Variants in SMOC2 observed in about 807,000 individuals in gnomAD.
The protein encoded by SMOC2 is SPARC related modular calcium binding 2, also known as SPARC-related modular calcium-binding protein 2.
A neutral mutation model predicts 61.4 loss-of-function variants in SMOC2; 39 were observed. The observed-to-expected ratio is 0.64, with a 90% confidence interval of 0.49 to 0.83. The LOEUF (loss-of-function observed/expected upper bound fraction) is 0.83. Ranked by LOEUF, SMOC2 falls within the 40% of genes least tolerant of loss-of-function variation. The pLI, the probability that SMOC2 is intolerant of heterozygous loss-of-function variation, is 0.00. For synonymous variants in SMOC2, 247 were observed against 239.9 expected (o/e 1.03, Z -0.27); for missense variants, 556 against 592.9 (o/e 0.94, Z 0.65).
At chr6:168,540,727 T>C (rs1247661558) in intron 4 of SMOC2, among the ~76,000 whole-genome samples, 1 of 152,192 alleles carries the variant, frequency 6.6e-6, no homozygotes, top group East Asian at 1.9e-4. Flanking sequence ...AGACGCCGTC[T>C]AGACCAGAGA....
chr6:168,543,525 A>G (rs1042471353), intron 4 of SMOC2, 100 bp from the exon 5 acceptor site: 2 of 1,063,268 alleles, frequency 1.9e-6, no homozygotes, highest in African/African-American at 1.6e-5. Flanking sequence ...AGCACGGCAA[A>G]TTAGTCAAAA....
chr6:168,603,242 CTTTTTTTTTTT>C (rs35236951), intron 8 of SMOC2, among the ~76,000 whole-genome samples: 3,286 of 96,432 alleles, frequency 0.034, 151 homozygotes, highest in African/African-American at 0.12. Context: ...TCAATTAAAC[CTTTTTTTTTTT>C]TTTTTTTTTT....
chr6:168,588,967 C>CTAT (rs1785109902), intron 7 of SMOC2, among the ~76,000 whole-genome samples: 1 of 94,426 alleles, frequency 1.1e-5, no homozygotes. Context: ...GTAGTCTCAG[C>CTAT]TCTGAAGGCT....
intron 11 of SMOC2, among the ~76,000 whole-genome samples, chr6:168,658,857 G>A (rs1787394488): frequency 2.0e-5 from 3 of 148,494 alleles, no homozygotes; most frequent in Admixed American, 2.0e-4. Context: ...ATCACCTGCA[G>A]GACACAGCTC....
intron 1 of SMOC2, among the ~76,000 whole-genome samples, chr6:168,508,303 T>C (rs1782923096): frequency 1.3e-5 from 2 of 152,236 alleles, no homozygotes. Flanking sequence ...AAGGTCACCG[T>C]AGTTCCTGCA....
chr6:168,538,424 C>T (rs571429929), intron 4 of SMOC2, among the ~76,000 whole-genome samples: 2 of 116,354 alleles, frequency 1.7e-5, no homozygotes, highest in South Asian at 6.9e-4. Context: ...GTGGGGTGAC[C>T]GCTGCTGGAA....
intron 1 of SMOC2, among the ~76,000 whole-genome samples, chr6:168,489,247 A>G (rs1782413318): frequency 6.7e-6 from 1 of 150,102 alleles, no homozygotes; most frequent in African/African-American, 2.5e-5. Flanking sequence ...ACAGTTTTAG[A>G]GTGAAATATA....
At chr6:168,522,549 A>G (rs929682668) in intron 2 of SMOC2, among the ~76,000 whole-genome samples, 1 of 152,268 alleles carries the variant, frequency 6.6e-6, no homozygotes, top group Non-Finnish European at 1.5e-5. Flanking sequence ...TGTAACATAC[A>G]TAAACCTTGA....
intron 1 of SMOC2, among the ~76,000 whole-genome samples, chr6:168,463,227 A>G (rs1781754245): frequency 6.6e-6 from 1 of 152,218 alleles, no homozygotes; most frequent in Non-Finnish European, 1.5e-5. Flanking sequence ...ATTAAGTAAT[A>G]GACCCCCTTT....
chr6:168,524,687 C>A (rs571676043), intron 2 of SMOC2, among the ~76,000 whole-genome samples: 2 of 152,264 alleles, frequency 1.3e-5, no homozygotes, highest in Admixed American at 1.3e-4. Flanking sequence ...GCAGTGATTT[C>A]TCCTCAGCTA....
At chr6:168,555,465 C>G (rs990755150) in intron 7 of SMOC2, among the ~76,000 whole-genome samples, 3 of 152,260 alleles carry the variant, frequency 2.0e-5, no homozygotes, top group Admixed American at 1.3e-4. Flanking sequence ...CCTTACCTTC[C>G]CGTCGCCTAC....
intron 2 of SMOC2, among the ~76,000 whole-genome samples, chr6:168,523,120 C>T (rs1232231419): frequency 4.5e-5 from 4 of 88,502 alleles, no homozygotes; most frequent in Admixed American, 1.6e-4. Flanking sequence ...CTCGCTCTGT[C>T]GCCCAGGCCG....
At chr6:168,639,781 C>T (rs892899443) in intron 9 of SMOC2, among the ~76,000 whole-genome samples, 1 of 152,204 alleles carries the variant, frequency 6.6e-6, no homozygotes, top group Non-Finnish European at 1.5e-5. Flanking sequence ...CTCGCTGCTA[C>T]TTGCATCCCT....
chr6:168,642,750 A>C (rs1786924700), intron 9 of SMOC2, among the ~76,000 whole-genome samples: 1 of 152,184 alleles, frequency 6.6e-6, no homozygotes. Flanking sequence ...CACTTTATGA[A>C]TCTCAAAATC....
In SMOC2 at chr6:168,617,464, G is replaced by T. The variant is rs140512239; in HGVS notation, c.907+9225G>T. Among the ~76,000 whole-genome samples the T allele has an allele frequency of 5.2e-4, 79 of 152,236 alleles. 1 individual carries two copies. In the East Asian group the frequency reaches 0.013, roughly 25 times the overall value. On this transcript the variant is annotated intron_variant, in intron 9 of 12. Coordinates refer to ENST00000356284, the MANE Select transcript of SMOC2 (RefSeq NM_001166412.2). ...GGGCACTGCATTCGTGGACTCTGAA[G>T]ACGGGGCAGGAAGCTGGAGCTATAG...
rs970073195 is a variant in SMOC2, at chr6:168,650,859, A to G, written c.1010+76A>G. Reference sequence around the variant, plus strand: ...GGGGAATCTGGAAAGTCTGAACATTACATATTGGCAACCTTCTCAGCTTAT... The same window carrying G: ...GGGGAATCTGGAAAGTCTGAACATTGCATATTGGCAACCTTCTCAGCTTAT... On this transcript the variant is annotated intron_variant, in intron 10 of 12. Transcript: ENST00000356284. 6.0e-6 allele frequency: 8 copies of G among 1,325,734 alleles called. No homozygotes were observed. In the African/African-American group the frequency reaches 7.3e-5, roughly 12 times the overall value. 82.1% of individuals were successfully genotyped at this position (1,325,734 alleles called of 1,614,324 possible).
chr6:168,485,173 A>T (rs1227066348), intron 1 of SMOC2, among the ~76,000 whole-genome samples: 1 of 152,228 alleles, frequency 6.6e-6, no homozygotes, highest in Non-Finnish European at 1.5e-5. Flanking sequence ...CACTAGAATT[A>T]AAAAGTCAGA....
intron 8 of SMOC2, among the ~76,000 whole-genome samples, chr6:168,603,427 C>T (rs1451752107): frequency 6.6e-6 from 1 of 152,020 alleles, no homozygotes; most frequent in East Asian, 1.9e-4. Context: ...GTCTCAGCTC[C>T]CCTGGGAAGC....
intron 9 of SMOC2, among the ~76,000 whole-genome samples, chr6:168,608,507 C>T (rs147507665): frequency 8.8e-4 from 134 of 152,306 alleles, no homozygotes; most frequent in African/African-American, 3.2e-3. Flanking sequence ...CCTCACAAAT[C>T]AGATCAGCAC....
Sources: gnomAD v4.1 joint callset for allele counts (sites outside exome capture counted in the v4.1 genomes callset) on GRCh38, gnomAD v4.1.1 for gene constraint, MANE v1.5 for transcripts, NCBI Gene and HGNC (gene_info 2026-07-23, HGNC 2026-07-21) for gene names.